The following KIAA0586 variants were observed in gnomAD, a reference collection of about 807,000 sequenced individuals.
The protein encoded by KIAA0586 is KIAA0586, also known as protein TALPID3.
A neutral mutation model predicts 169.8 loss-of-function variants in KIAA0586; 144 were observed. The observed-to-expected ratio is 0.85, with a 90% confidence interval of 0.74 to 0.97. The LOEUF is 0.97. Ranked by LOEUF, KIAA0586 falls within the 50% of genes least tolerant of loss-of-function variation. KIAA0586 has a pLI of 0.00. For synonymous variants in KIAA0586, 625 were observed against 612.4 expected, an observed-to-expected ratio of 1.02 and a Z score of -0.30; for missense variants, 1,854 against 1,823.0, an observed-to-expected ratio of 1.02 and a Z score of -0.31.
chr14:58,519,137 C>T (rs1318963946), intron 29 of KIAA0586, among the ~76,000 whole-genome samples: 2 of 152,180 alleles, frequency 1.3e-5, no homozygotes, highest in Non-Finnish European at 2.9e-5. Context: ...GTCTCAAAAC[C>T]AAAACCAAAA....
intron 29 of KIAA0586, among the ~76,000 whole-genome samples, chr14:58,526,473 A>T (rs1007636906): frequency 2.0e-5 from 3 of 152,188 alleles, no homozygotes; most frequent in African/African-American, 7.2e-5. Context: ...AGGGGCGTGA[A>T]TGGTAGAAGG....
chr14:58,541,856 A>G (rs1595545386), intron 30 of KIAA0586, among the ~76,000 whole-genome samples: 1 of 152,176 alleles, frequency 6.6e-6, no homozygotes, highest in East Asian at 1.9e-4. Context: ...AAACCCATGG[A>G]ATCAAGGAAT....
downstream of KIAA0586, among the ~76,000 whole-genome samples, chr14:58,551,795 ATATACT>A (rs1462705792): frequency 2.0e-5 from 3 of 152,264 alleles, no homozygotes; most frequent in South Asian, 2.1e-4. Context: ...TATAATTGAA[ATATACT>A]TATCTTTTAA....
At chr14:58,443,352 G>A (rs1168694572) in intron 5 of KIAA0586, among the ~76,000 whole-genome samples, 1 of 152,208 alleles carries the variant, frequency 6.6e-6, no homozygotes, top group African/African-American at 2.4e-5. Context: ...AATATCAAAA[G>A]CTACTTTGCT....
intron 21 of KIAA0586, 139 bp from the exon 22 acceptor site, chr14:58,486,868 G>T: frequency 1.8e-6 from 1 of 565,624 alleles, no homozygotes; most frequent in South Asian, 3.8e-5. Context: ...AGACTAACAG[G>T]TAGAGGTTCA....
At chr14:58,482,444 A>G (rs531482009) in intron 20 of KIAA0586, 69 bp from the exon 21 acceptor site, 2 of 1,110,020 alleles carry the variant, frequency 1.8e-6, no homozygotes, top group Non-Finnish European at 2.4e-6. Flanking sequence ...TAATAATAAT[A>G]ATAATGAAAG....
intron 4 of KIAA0586, among the ~76,000 whole-genome samples, chr14:58,438,612 A>G (rs567631083): frequency 2.6e-5 from 4 of 152,236 alleles, no homozygotes; most frequent in Non-Finnish European, 5.9e-5. Flanking sequence ...AAATTGTCCC[A>G]TACAGATATT....
chr14:58,471,165 ATTGT>A (rs1349845302), intron 17 of KIAA0586, among the ~76,000 whole-genome samples: 1 of 152,170 alleles, frequency 6.6e-6, no homozygotes, highest in Non-Finnish European at 1.5e-5. Flanking sequence ...CAAATTTTGA[ATTGT>A]TTATGAACTT....
intron 21 of KIAA0586, 142 bp from the exon 22 acceptor site, chr14:58,486,862 TAAC>T: frequency 1.8e-6 from 1 of 545,518 alleles, no homozygotes; most frequent in Non-Finnish European, 3.0e-6. Context: ...AATCGTAGAC[TAAC>T]AGGTAGAGGT....
At chr14:58,465,441 GTTA>G (rs2040677641) in intron 14 of KIAA0586, among the ~76,000 whole-genome samples, 3 of 152,082 alleles carry the variant, frequency 2.0e-5, no homozygotes, top group Admixed American at 1.3e-4. Flanking sequence ...TTTTTTTCTA[GTTA>G]TTATATCTAT....
chr14:58,463,149 G>A (rs1298415822), intron 14 of KIAA0586, among the ~76,000 whole-genome samples: 8 of 152,040 alleles, frequency 5.3e-5, no homozygotes, highest in South Asian at 4.2e-4. Flanking sequence ...CAATTCTTCC[G>A]TCTCCGCTCT....
chr14:58,544,078 TATC>T (rs1160387025), intron 30 of KIAA0586: 15 of 310,866 alleles, frequency 4.8e-5, no homozygotes, highest in Middle Eastern at 8.7e-4. Flanking sequence ...GTTCATGAGT[TATC>T]ATCATTTAGT....
chr14:58,476,223 CA>C (rs1335423880), intron 19 of KIAA0586, among the ~76,000 whole-genome samples: 4 of 152,148 alleles, frequency 2.6e-5, no homozygotes, highest in African/African-American at 4.8e-5. Flanking sequence ...TAAACTCTTA[CA>C]TTTTTTTCTA....
chr14:58,482,889 G>T (rs1289736801), intron 21 of KIAA0586, among the ~76,000 whole-genome samples, 177 bp downstream of exon 21: 1 of 152,118 alleles, frequency 6.6e-6, no homozygotes, highest in Non-Finnish European at 1.5e-5. Flanking sequence ...TCCTGCCTCA[G>T]CCTCCTGAGT....
chr14:58,539,996 T>C (rs1401437745), intron 29 of KIAA0586, 75 bp from the exon 30 acceptor site: 2 of 892,422 alleles, frequency 2.2e-6, no homozygotes, highest in African/African-American at 1.7e-5. Context: ...TTGTGTTCTT[T>C]TAGTGAATAG....
rs1356513118 is a variant in KIAA0586 at position 58,508,635 on chromosome 14, G to A, written c.4249G>A (p.Val1417Ile). The A allele has an allele frequency of 6.3e-7, 1 of 1,596,716 alleles. No homozygotes were observed. The highest frequency in any genetic ancestry group is 8.5e-7 in the Non-Finnish European group (1 of 1,170,974). ...ELELEPNSKLVLPTTLLTAQE... is the reference protein window; with the variant it reads ...ELELEPNSKLILPTTLLTAQE... ...GGAGTTGGAGCCAAATTCTAAGCTG[G>A]TTCTTCCCACAACACTTCTGACAGC... Residue 1417 changes from valine (V) to isoleucine (I), a missense_variant, in exon 28 of 31, where the codon GTT becomes ATT. By Grantham distance (29) the Val-to-Ile change is conservative (BLOSUM62 3). Coordinates refer to ENST00000652326, the MANE Select transcript of KIAA0586 (RefSeq NM_001329943.3).
intron 8 of KIAA0586, among the ~76,000 whole-genome samples, chr14:58,451,798 G>C (rs1743726): frequency 0.98 from 149,784 of 152,108 alleles, 73,787 homozygotes; most frequent in East Asian, 1. Context: ...ATTCTCCTGC[G>C]TCAGCCTCCC....
At chr14:58,491,675 G>A (rs1040249469) in intron 25 of KIAA0586, among the ~76,000 whole-genome samples, 4 of 152,148 alleles carry the variant, frequency 2.6e-5, no homozygotes, top group African/African-American at 9.7e-5. Context: ...AAGGCAAAGG[G>A]ACATTGAGGT....
At position 58,488,096 on chromosome 14, in the gene KIAA0586, C is replaced by T. The variant is rs2042596659; in HGVS notation, c.3514C>T (p.His1172Tyr). 2 of 1,595,796 alleles carry T rather than the reference C, an allele frequency of 1.3e-6. No individual in the cohort carries two copies. Among genetic ancestry groups the T allele is most frequent in the African/African-American group, 2.7e-5 (2 of 74,572 alleles). Residue 1172 changes from histidine to tyrosine, a missense_variant, in exon 23 of 31, where the codon CAT becomes TAT. Physicochemically the swap from His to Tyr is moderately conservative, Grantham distance 83 (BLOSUM62 2). Transcript: ENST00000652326. The stretch of plus-strand genomic sequence containing the variant: ...CCCTAACTCACCTCAAGAAGAACTT[C>T]ATCCAAGAGCTATGTAAATGAGAAC... ...ENPNSPQEEL[H>Y]PRAIVMSVAK...
Sources: gnomAD v4.1 joint callset for allele counts (sites outside exome capture counted in the v4.1 genomes callset) on GRCh38, gnomAD v4.1.1 for gene constraint, MANE v1.5 for transcripts, NCBI Gene and HGNC (gene_info 2026-07-23, HGNC 2026-07-21) for gene names.